ASB18: variants seen among roughly 807,000 people sequenced by gnomAD.
ASB18 encodes the protein ankyrin repeat and SOCS box protein 18.
Under a neutral mutation model 33.4 loss-of-function variants are expected in ASB18, and 33 were observed. The ratio of observed to expected loss-of-function variants is 0.99; its 90% CI spans 0.75 to 1.32. The LOEUF is 1.32. Among genes scored for constraint, ASB18 ranks in the 40% most tolerant of loss-of-function variants. ASB18 has a pLI of 0.00. For synonymous variants in ASB18, 295 were observed against 307.6 expected (o/e 0.96, Z 0.43); for missense variants, 694 against 655.5 (o/e 1.06, Z -0.64).
intron 4 of ASB18, among the ~76,000 whole-genome samples, chr2:236,202,846 T>C (rs976648243): frequency 2.0e-5 from 3 of 147,514 alleles, no homozygotes; most frequent in African/African-American, 7.6e-5. Flanking sequence ...AAAATCTAAA[T>C]AGTATCTTTT....
chr2:236,237,703 C>G lies in ASB18; in HGVS notation c.582G>C (p.Thr194=), dbSNP rs777543012. Residue 194 remains threonine (T), a synonymous_variant, in exon 3 of 6, where the codon ACG becomes ACC. Coordinates refer to ENST00000409749, the MANE Select transcript of ASB18 (RefSeq NM_212556.4). The surrounding 1 kb of genome is among the most constrained non-coding windows in gnomAD (Gnocchi z 6.2). ...EGLAPLHLCR[T]AASLGCAQAL... is the part of the protein sequence containing the mutation. ...GAGGTCCTTACCCGAGCGAGGCGGC[C>G]GTGCGGCAGAGGTGCAGAGGCGCCA... 8.9e-6 allele frequency: 13 copies of G among 1,453,542 alleles called. No homozygotes were observed. In the Admixed American group the frequency reaches 2.0e-4, roughly 22 times the overall value. 90.0% of individuals were successfully genotyped at this position (1,453,542 alleles called of 1,614,324 possible). A position where few individuals can be genotyped will look rare whatever the true frequency, so the allele number is the denominator to read the frequency against.
Position 236,237,765 on chromosome 2 carries a change from G to T in ASB18, c.520C>A (p.His174Asn). The change falls in exon 3 of 6, where the codon CAC (histidine) becomes AAC (asparagine). Residue 174 changes from histidine to asparagine, a missense_variant. By Grantham distance (68) the His-to-Asn change is moderately conservative. Coordinates refer to ENST00000409749, the MANE Select transcript of ASB18 (RefSeq NM_212556.4). The surrounding 1 kb of genome is among the most constrained non-coding windows in gnomAD (Gnocchi z 6.2). ...HTACVRLLLQ[H>N]RADPDLLSAE... is the part of the protein sequence containing the mutation. ...CTGAGCAGGTCGGGGTCGGCGCGGT[G>T]CTGCAGCAGCAGGCGGACGCAGGCG... is the stretch of plus-strand genomic sequence containing the variant. 6.9e-7 allele frequency: 1 copy of T among 1,448,966 alleles called. No homozygotes were observed. Among genetic ancestry groups the T allele is most frequent in the Non-Finnish European group, 9.0e-7 (1 of 1,105,630 alleles). The allele number at this position is 1,448,966 out of a possible 1,614,324, so 89.8% of individuals were successfully genotyped here.
In ASB18 at chr2:236,263,320, C is replaced by T. The variant is rs1354001596; in HGVS notation, c.205+821G>A. ...TAGACAGGTCTTGCACCTGATGAGGCCTACAAAGAAAAAATCCTATGGACA... is the reference window on the plus strand; with the variant it reads ...TAGACAGGTCTTGCACCTGATGAGGTCTACAAAGAAAAAATCCTATGGACA... On this transcript the variant is annotated intron_variant, in intron 1 of 5. Coordinates refer to ENST00000409749, the MANE Select transcript of ASB18 (RefSeq NM_212556.4). This position sits in a 1 kb window ranked among gnomAD's most constrained non-coding sequence, Gnocchi z 4.0. Among the ~76,000 whole-genome samples the T allele has an allele frequency of 6.6e-6, 1 of 152,132 alleles. No individual in the cohort carries two copies. The highest frequency in any genetic ancestry group is 1.5e-5 in the Non-Finnish European group (1 of 68,022).
In ASB18 at chr2:236,217,294, C is replaced by G. The variant is rs2060492332; in HGVS notation, c.597-2428G>C. 6.6e-6 allele frequency among the ~76,000 whole-genome samples: 1 copy of G among 151,918 alleles called. No homozygotes were observed. Among genetic ancestry groups the G allele is most frequent in the African/African-American group, 2.4e-5 (1 of 41,356 alleles). On this transcript the variant is annotated intron_variant, in intron 3 of 5. Coordinates refer to ENST00000409749, the MANE Select transcript of ASB18 (RefSeq NM_212556.4). This position sits in a 1 kb window ranked among gnomAD's most constrained non-coding sequence, Gnocchi z 5.2. ...TAGTGGTGGATGCATGTAATCCCAG[C>G]CACTCGGGAGGCTGAGGCAGGAGAA...
Position 236,194,575 on chromosome 2 carries a change from C to G in ASB18, c.*297G>C, listed in dbSNP as rs566868405. 6.6e-6 allele frequency among the ~76,000 whole-genome samples: 1 copy of G among 152,266 alleles called. No homozygotes were observed. Among genetic ancestry groups the G allele is most frequent in the African/African-American group, 2.4e-5 (1 of 41,470 alleles). ...ATCGAAGACCTTAAGTGAGGACTCA[C>G]TGTACCTTTTGGCTTAACTGTTGTT... On this transcript the variant is annotated 3_prime_UTR_variant, in exon 6 of 6. Transcript: ENST00000409749. This position sits in a 1 kb window ranked among gnomAD's most constrained non-coding sequence, Gnocchi z 4.5.
rs1336385639 is a variant in ASB18, at chr2:236,203,581, C to T, written c.1102-7196G>A. Among the ~76,000 whole-genome samples, 1 of 152,076 alleles carries T rather than the reference C, an allele frequency of 6.6e-6. No homozygotes were observed. The highest frequency in any genetic ancestry group is 1.5e-5 in the Non-Finnish European group (1 of 67,998). ...CTGATTTTAATTTTAGAAATATCAC[C>T]AAGGCTGGGTGTGGTGGCTCATGCC... On this transcript the variant is annotated intron_variant, in intron 4 of 5. Transcript: ENST00000409749. The surrounding 1 kb of genome is among the most constrained non-coding windows in gnomAD (Gnocchi z 6.0).
rs2060466974 is a variant in ASB18, at chr2:236,213,199, CAA to C, written c.1101+1161_1101+1162del. ...AGTGGAGCACCACAAGACAATTACC[CAA>C]AGAGGGGGTGAGACAGCATCGGGAA... is the stretch of plus-strand genomic sequence containing the variant. On this transcript the variant is annotated intron_variant, in intron 4 of 5. Coordinates refer to ENST00000409749, the MANE Select transcript of ASB18 (RefSeq NM_212556.4). The surrounding 1 kb of genome is among the most constrained non-coding windows in gnomAD (Gnocchi z 4.8). Among the ~76,000 whole-genome samples, 1 of 151,890 alleles carries C rather than the reference CAA, an allele frequency of 6.6e-6. No homozygotes were observed. The highest frequency in any genetic ancestry group is 1.5e-5 in the Non-Finnish European group (1 of 67,992).
chr2:236,261,612 G>A (rs558946303), intron 1 of ASB18, among the ~76,000 whole-genome samples: 1 of 152,266 alleles, frequency 6.6e-6, no homozygotes, highest in African/African-American at 2.4e-5. Context: ...CTTTAAACAT[G>A]TCATTAGTAT....
intron 3 of ASB18, among the ~76,000 whole-genome samples, chr2:236,227,954 C>T (rs2060548252): frequency 6.6e-6 from 1 of 152,240 alleles, no homozygotes; most frequent in South Asian, 2.1e-4. Flanking sequence ...GCCTCAGCCC[C>T]TTACAGGGTT....
chr2:236,202,792 A>ATATAT (rs1443591751), intron 4 of ASB18, among the ~76,000 whole-genome samples: 4 of 114,130 alleles, frequency 3.5e-5, no homozygotes, highest in African/African-American at 1.2e-4. Context: ...AAAAAAAAAA[A>ATATAT]AAATATATAT....
rs976825938 is a variant in ASB18, at chr2:236,239,635, C to A, written c.328+1645G>T. ...GCATCAGCTCCCCCATGTCAGTGCT[C>A]TCTATGACTGTGGGCTGGATGGGCC... On this transcript the variant is annotated intron_variant, in intron 2 of 5. Transcript: ENST00000409749. The surrounding 1 kb of genome is among the most constrained non-coding windows in gnomAD (Gnocchi z 5.6). 6.6e-6 allele frequency among the ~76,000 whole-genome samples: 1 copy of A among 152,232 alleles called. No homozygotes were observed. The highest frequency in any genetic ancestry group is 1.5e-5 in the Non-Finnish European group (1 of 68,048).
chr2:236,240,591 C>T (rs2060616769), intron 2 of ASB18, among the ~76,000 whole-genome samples: 1 of 152,190 alleles, frequency 6.6e-6, no homozygotes, highest in Admixed American at 6.5e-5. Flanking sequence ...CGAGAAAGCC[C>T]CAGATGCAGC....
rs2060584659 is a variant in ASB18, at chr2:236,235,516, A to T, written c.596+2173T>A. Among the ~76,000 whole-genome samples, 1 of 152,252 alleles carries T rather than the reference A, an allele frequency of 6.6e-6. No homozygotes were observed. Among genetic ancestry groups the T allele is most frequent in the African/African-American group, 2.4e-5 (1 of 41,468 alleles). ...GTAAGTTCATGAAACAATGCTCAAC[A>T]TCGCTAGTTACCAGGGAAATGAAAA... is the stretch of plus-strand genomic sequence containing the variant. On this transcript the variant is annotated intron_variant, in intron 3 of 5. Transcript: ENST00000409749. The surrounding 1 kb of genome is among the most constrained non-coding windows in gnomAD (Gnocchi z 6.2).
At position 236,249,966 on chromosome 2, in the gene ASB18, A is replaced by G. The variant is rs2060661775; in HGVS notation, c.206-8564T>C. ...CAGGAGACACAAACATGAGTTCTTT[A>G]TAATTGAGTCCTATAGTGGAGACAC... On this transcript the variant is annotated intron_variant, in intron 1 of 5. Coordinates refer to ENST00000409749, the MANE Select transcript of ASB18 (RefSeq NM_212556.4). This position sits in a 1 kb window ranked among gnomAD's most constrained non-coding sequence, Gnocchi z 4.6. 6.6e-6 allele frequency: 1 copy of G among 152,230 alleles called. No individual in the cohort carries two copies. The highest frequency in any genetic ancestry group is 2.4e-5 in the African/African-American group (1 of 41,456). 9.4% of individuals were successfully genotyped at this position (152,230 alleles called of 1,614,324 possible). A position where few individuals can be genotyped will look rare whatever the true frequency, so the allele number is the denominator to read the frequency against.
In ASB18 at chr2:236,237,920, G is replaced by T. The variant is rs1320064425; in HGVS notation, c.365C>A (p.Thr122Lys). 1 of 1,505,562 alleles carries T rather than the reference G, an allele frequency of 6.6e-7. No homozygotes were observed. Among genetic ancestry groups the T allele is most frequent in the African/African-American group, 1.4e-5 (1 of 69,534 alleles). 93.3% of individuals were successfully genotyped at this position (1,505,562 alleles called of 1,614,324 possible). A position where few individuals can be genotyped will look rare whatever the true frequency, so the allele number is the denominator to read the frequency against. Residue 122 changes from threonine (T) to lysine (K), a missense_variant, in exon 3 of 6, where the codon ACG becomes AAG. Coordinates refer to ENST00000409749, the MANE Select transcript of ASB18 (RefSeq NM_212556.4). The surrounding 1 kb of genome is among the most constrained non-coding windows in gnomAD (Gnocchi z 6.2). ...WTLEYKRELT[T>K]PLCIAAAHGH... is the part of the protein sequence containing the mutation. ...GTGGGCCGCGGCGATGCACAGGGGCGTGGTGAGCTCACGCTTGTACTCCAG... is the reference window on the plus strand; with the variant it reads ...GTGGGCCGCGGCGATGCACAGGGGCTTGGTGAGCTCACGCTTGTACTCCAG...
chr2:236,202,510 C>T (rs753057455), intron 4 of ASB18, among the ~76,000 whole-genome samples: 5 of 151,820 alleles, frequency 3.3e-5, no homozygotes, highest in Non-Finnish European at 7.4e-5. Flanking sequence ...CTATTAGTTA[C>T]CTTCAAAATA....
rs191834317 is a variant in ASB18 at position 236,220,693 on chromosome 2, C to T, written c.597-5827G>A. ...GCAGGAAGTGGCAAAGCAGAGGTCTCGTTGCTTCATGAGGCTTCCCACTGT... is the reference window on the plus strand; with the variant it reads ...GCAGGAAGTGGCAAAGCAGAGGTCTTGTTGCTTCATGAGGCTTCCCACTGT... On this transcript the variant is annotated intron_variant, in intron 3 of 5. Transcript: ENST00000409749. This position sits in a 1 kb window ranked among gnomAD's most constrained non-coding sequence, Gnocchi z 5.1. Among the ~76,000 whole-genome samples, 108 of 152,208 alleles carry T rather than the reference C, an allele frequency of 7.1e-4. No individual in the cohort carries two copies. Among genetic ancestry groups the T allele is most frequent in the Non-Finnish European group, 1.2e-3 (80 of 68,032 alleles).
intron 1 of ASB18, among the ~76,000 whole-genome samples, chr2:236,247,118 A>G (rs1451882424): frequency 8.0e-6 from 1 of 125,146 alleles, no homozygotes; most frequent in Non-Finnish European, 1.6e-5. Context: ...TAGTCAAGAA[A>G]CAGACTCTTT....
chr2:236,221,719 T>A lies in ASB18; in HGVS notation c.597-6853A>T. 6.6e-6 allele frequency among the ~76,000 whole-genome samples: 1 copy of A among 152,184 alleles called. No homozygotes were observed. The highest frequency in any genetic ancestry group is 1.9e-4 in the East Asian group (1 of 5,194). ...TGTCTCCTTAAGTCACCGGAGTCCT[T>A]GGGCAATCCTGAGCTCCCTCTCCTG... is the stretch of plus-strand genomic sequence containing the variant. On this transcript the variant is annotated intron_variant, in intron 3 of 5. Coordinates refer to ENST00000409749, the MANE Select transcript of ASB18 (RefSeq NM_212556.4). The surrounding 1 kb of genome is among the most constrained non-coding windows in gnomAD (Gnocchi z 5.6).
Sources: allele counts gnomAD v4.1 joint callset (sites outside exome capture counted in the v4.1 genomes callset), GRCh38; gene constraint gnomAD v4.1.1; non-coding constraint Gnocchi (gnomAD v3.1); transcripts MANE v1.5; gene names NCBI Gene and HGNC (gene_info 2026-07-23, HGNC 2026-07-21).